PAPPA2: variants seen among roughly 807,000 people sequenced by gnomAD.
PAPPA2 encodes the protein pappalysin-2.
In PAPPA2, 86 loss-of-function variants were observed where a neutral mutation model predicts 176.4. The observed-to-expected ratio is 0.49, with a 90% confidence interval of 0.41 to 0.58. The LOEUF (loss-of-function observed/expected upper bound fraction) is 0.58, where lower values mean the gene tolerates loss of function less well. PAPPA2 is among the 20% of genes least tolerant of loss of function. The probability of loss-of-function intolerance (pLI) is 0.00; values close to 1 mark genes in which losing one functional copy is unlikely to be tolerated. For synonymous variants in PAPPA2, 809 were observed against 852.2 expected (o/e 0.95, Z 0.88); for missense variants, 2,073 against 2,256.9 (o/e 0.92, Z 1.65).
chr1:176,536,632 G>T (rs1303098511), intron 1 of PAPPA2, among the ~76,000 whole-genome samples: 1 of 152,206 alleles, frequency 6.6e-6, no homozygotes, highest in Non-Finnish European at 1.5e-5. Flanking sequence ...ACTGTTCCAT[G>T]GTTCTCATTC....
chr1:176,690,100 C>G (rs753481333), intron 4 of PAPPA2, 37 bp from the exon 5 acceptor site: 1 of 1,524,896 alleles, frequency 6.6e-7, no homozygotes, highest in Non-Finnish European at 9.0e-7. Flanking sequence ...GCTATTCATT[C>G]TGTGCTCTGA....
chr1:176,660,381 A>G (rs1218531093), intron 3 of PAPPA2, among the ~76,000 whole-genome samples: 1 of 151,620 alleles, frequency 6.6e-6, no homozygotes, highest in Non-Finnish European at 1.5e-5. Flanking sequence ...TAGATTTTAC[A>G]TCAGAAACTT....
chr1:176,679,827 G>A (rs1270355417), intron 4 of PAPPA2, among the ~76,000 whole-genome samples: 2 of 152,214 alleles, frequency 1.3e-5, no homozygotes, highest in Non-Finnish European at 2.9e-5. Context: ...AAGAGACAAA[G>A]AGTGAAAGGA....
intron 4 of PAPPA2, among the ~76,000 whole-genome samples, chr1:176,678,776 G>T (rs139607693): frequency 5.0e-4 from 76 of 151,794 alleles, no homozygotes; most frequent in African/African-American, 1.8e-3. Flanking sequence ...TATCAGAAGA[G>T]ATGCAATAAT....
At chr1:176,656,965 A>G (rs1188522191) in intron 3 of PAPPA2, among the ~76,000 whole-genome samples, 1 of 151,924 alleles carries the variant, frequency 6.6e-6, no homozygotes, top group East Asian at 1.9e-4. Flanking sequence ...TCATTAATTC[A>G]GAGAGGAATT....
chr1:176,686,660 T>G (rs956184937), intron 4 of PAPPA2, among the ~76,000 whole-genome samples: 6 of 151,894 alleles, frequency 4.0e-5, no homozygotes, highest in Non-Finnish European at 8.8e-5. Context: ...GAGATGGGAG[T>G]CTTGAAACAC....
In PAPPA2 at chr1:176,692,869, C is replaced by T. The variant is rs140903560; in HGVS notation, c.2624+551C>T. On this transcript the variant is annotated intron_variant, in intron 6 of 22. Coordinates refer to ENST00000367662, the MANE Select transcript of PAPPA2 (RefSeq NM_020318.3). ...GGAATTGTCATCCTCTGCTTATTTT[C>T]CTACCTGCCCCACTTGACTGGCAAC... 2.9e-3 allele frequency among the ~76,000 whole-genome samples: 446 copies of T among 152,298 alleles called. 3 individuals carry two copies. The highest frequency in any genetic ancestry group is 7.8e-3 in the African/African-American group (325 of 41,558).
intron 2 of PAPPA2, among the ~76,000 whole-genome samples, chr1:176,591,241 C>T (rs914236060): frequency 1.3e-5 from 2 of 152,084 alleles, no homozygotes; most frequent in African/African-American, 2.4e-5. Flanking sequence ...TTGGCAATAT[C>T]TGATCTTATC....
At chr1:176,734,171 C>T (rs558436714) in intron 12 of PAPPA2, among the ~76,000 whole-genome samples, 21 of 152,126 alleles carry the variant, frequency 1.4e-4, no homozygotes, top group Non-Finnish European at 2.6e-4. Flanking sequence ...GTTCTATAAG[C>T]TCTTCTAACA....
At chr1:176,566,476 G>A (rs909302107) in intron 2 of PAPPA2, among the ~76,000 whole-genome samples, 5 of 152,162 alleles carry the variant, frequency 3.3e-5, no homozygotes, top group East Asian at 1.9e-4. Context: ...CAGTGGATGA[G>A]GCTTTGACTG....
chr1:176,769,780 G>T lies in PAPPA2; in HGVS notation c.4497G>T (p.Leu1499=). The change falls in exon 16 of 23, where the codon CTG becomes CTT. Residue 1499 remains leucine, a synonymous_variant. Coordinates refer to ENST00000367662, the MANE Select transcript of PAPPA2 (RefSeq NM_020318.3). ...CSISCVPPAK[L]QGLSPWLTCL... ...TCTCTTGTGTCCCACCAGCCAAGCT[G>T]CAAGGTATTGTCTGGTCAACCAGGA... The T allele has an allele frequency of 6.2e-7, 1 of 1,605,418 alleles. No individual in the cohort carries two copies. Among genetic ancestry groups the T allele is most frequent in the Non-Finnish European group, 8.5e-7 (1 of 1,176,882 alleles).
At position 176,812,221 on chromosome 1, in the gene PAPPA2, T is replaced by G. The variant is rs78271475; in HGVS notation, c.5202+12089T>G. Among the ~76,000 whole-genome samples, 726 of 150,884 alleles carry G rather than the reference T, an allele frequency of 4.8e-3. 5 individuals are homozygous for G. The highest frequency in any genetic ancestry group is 0.012 in the South Asian group (56 of 4,702). On this transcript the variant is annotated intron_variant, in intron 21 of 22. Coordinates refer to ENST00000367662, the MANE Select transcript of PAPPA2 (RefSeq NM_020318.3). ...CTGGGCTTTTTTGTTCTTTTTTTTT[T>G]GGGGGGAGGGTTCTTTTTCTCTTTC...
intron 6 of PAPPA2, among the ~76,000 whole-genome samples, chr1:176,693,854 T>C (rs921018563): frequency 6.6e-6 from 1 of 152,198 alleles, no homozygotes; most frequent in Non-Finnish European, 1.5e-5. Context: ...CAGCAAGTCC[T>C]CTGTGGGTGT....
At chr1:176,517,041 C>T (rs1489905583) in intron 1 of PAPPA2, among the ~76,000 whole-genome samples, 1 of 152,142 alleles carries the variant, frequency 6.6e-6, no homozygotes, top group African/African-American at 2.4e-5. Flanking sequence ...TTCAATGTGA[C>T]CAATTTAACC....
At chr1:176,561,055 A>G (rs1460761639) in intron 2 of PAPPA2, among the ~76,000 whole-genome samples, 1 of 152,242 alleles carries the variant, frequency 6.6e-6, no homozygotes, top group South Asian at 2.1e-4. Flanking sequence ...GGATCCGAGC[A>G]TTAGAGTATA....
At chr1:176,754,532 A>G (rs774558631) in intron 14 of PAPPA2, among the ~76,000 whole-genome samples, 5 of 152,268 alleles carry the variant, frequency 3.3e-5, no homozygotes, top group African/African-American at 4.8e-5. Context: ...AATTTATACC[A>G]GAAGTATTCT....
At chr1:176,757,478 T>C (rs1348602852) in intron 14 of PAPPA2, among the ~76,000 whole-genome samples, 1 of 152,242 alleles carries the variant, frequency 6.6e-6, no homozygotes, top group Non-Finnish European at 1.5e-5. Context: ...CATTTTTTCA[T>C]ATGTCTGTTG....
chr1:176,662,490 T>C (rs1411343275), intron 3 of PAPPA2, among the ~76,000 whole-genome samples: 1 of 152,138 alleles, frequency 6.6e-6, no homozygotes, highest in Non-Finnish European at 1.5e-5. Flanking sequence ...TATTCTATTT[T>C]GATCAATGCT....
At chr1:176,749,413 A>C (rs1419726762) in intron 14 of PAPPA2, among the ~76,000 whole-genome samples, 3 of 152,206 alleles carry the variant, frequency 2.0e-5, no homozygotes, top group African/African-American at 7.2e-5. Flanking sequence ...AGAGTGGTAC[A>C]TTTGTTACAA....
Sources: gnomAD v4.1 joint callset for allele counts (sites outside exome capture counted in the v4.1 genomes callset) on GRCh38, gnomAD v4.1.1 for gene constraint, MANE v1.5 for transcripts, NCBI Gene and HGNC (gene_info 2026-07-23, HGNC 2026-07-21) for gene names.